Variants in GTF2I observed in about 807,000 individuals in gnomAD.
GTF2I encodes the protein general transcription factor IIi, also known as general transcription factor II-I.
GTF2I carries 12 observed loss-of-function variants against 67.6 expected under a neutral mutation model. The observed-to-expected ratio is 0.18, with a 90% CI of 0.11 to 0.29. The LOEUF (loss-of-function observed/expected upper bound fraction) is 0.29. Ranked by LOEUF, GTF2I falls within the 10% of genes least tolerant of loss-of-function variation. The probability of loss-of-function intolerance (pLI) is 1.00; values close to 1 mark genes in which losing one functional copy is unlikely to be tolerated. For synonymous variants in GTF2I, 149 were observed against 197.0 expected, an observed-to-expected ratio of 0.76 and a Z score of 2.04; for missense variants, 271 against 580.1, an observed-to-expected ratio of 0.47 and a Z score of 5.47.
rs868978496 is a variant in GTF2I at position 74,707,925 on chromosome 7, G to A, written c.685+1492G>A. On this transcript the variant is annotated intron_variant, in intron 8 of 34. Transcript: ENST00000573035. Reference sequence around the variant, plus strand: ...CATCTTTGTATTCTTAATTTATCCTGCAAATAAGATGTACATTTATAGCCA... The same window carrying A: ...CATCTTTGTATTCTTAATTTATCCTACAAATAAGATGTACATTTATAGCCA... 1.4e-4 allele frequency among the ~76,000 whole-genome samples: 21 copies of A among 150,378 alleles called. 1 individual carries two copies. In the South Asian group the frequency reaches 2.1e-3, roughly 15 times the overall value.
At chr7:74,663,379 G>A (rs587680293) in intron 1 of GTF2I, among the ~76,000 whole-genome samples, 53 of 152,166 alleles carry the variant, frequency 3.5e-4, no homozygotes, top group Non-Finnish European at 5.4e-4. Flanking sequence ...TCCGATTCCC[G>A]GGCTCAAGCG....
intron 3 of GTF2I, among the ~76,000 whole-genome samples, chr7:74,691,487 C>T (rs1195548738): frequency 2.0e-5 from 3 of 152,070 alleles, no homozygotes; most frequent in Admixed American, 6.6e-5. Flanking sequence ...GGATTATAGG[C>T]GTGGGCCACT....
intron 3 of GTF2I, among the ~76,000 whole-genome samples, chr7:74,696,411 C>T (rs587757455): frequency 8.5e-5 from 13 of 152,158 alleles, no homozygotes; most frequent in African/African-American, 2.9e-4. Flanking sequence ...ACTGCAACTT[C>T]TGCCTCCCAG....
In GTF2I at chr7:74,717,301, T is replaced by C. The variant is rs189678441; in HGVS notation, c.880+351T>C. Among the ~76,000 whole-genome samples the C allele has an allele frequency of 1.2e-4, 15 of 130,026 alleles. No homozygotes were observed. The Admixed American group carries it at 1.3e-3, about 11-fold the overall frequency. The allele number at this position is 130,026 out of a possible 152,430, so 85.3% of individuals were successfully genotyped here. ...ATTAAAATTACTAGCTCCATTCATA[T>C]TTTATTTTCAAATGTATTTTTTAAT... On this transcript the variant is annotated intron_variant, in intron 11 of 34. Transcript: ENST00000573035.
At chr7:74,753,212 A>C in intron 29 of GTF2I, 35 bp downstream of exon 29, 1 of 1,596,064 alleles carries the variant, frequency 6.3e-7, no homozygotes, top group Non-Finnish European at 8.6e-7. Context: ...AGTTGCTATA[A>C]GCAAAGAGAT....
At chr7:74,670,639 G>GA (rs1422708618) in intron 1 of GTF2I, among the ~76,000 whole-genome samples, 1 of 148,710 alleles carries the variant, frequency 6.7e-6, no homozygotes, top group Admixed American at 6.8e-5. Flanking sequence ...GCAGTGAGCT[G>GA]AGACTACGCC....
chr7:74,696,763 G>A (rs1005451049), intron 3 of GTF2I, among the ~76,000 whole-genome samples: 1 of 152,084 alleles, frequency 6.6e-6, no homozygotes, highest in Non-Finnish European at 1.5e-5. Flanking sequence ...CCAAAGTGCT[G>A]GGATTACAGG....
chr7:74,712,911 T>C (rs1791797443), intron 9 of GTF2I, among the ~76,000 whole-genome samples: 1 of 152,200 alleles, frequency 6.6e-6, no homozygotes, highest in African/African-American at 2.4e-5. Flanking sequence ...CTAAAACTTT[T>C]GTATTCCAAA....
intron 1 of GTF2I, chr7:74,687,525 T>G: frequency 1.0e-6 from 1 of 982,408 alleles, no homozygotes; most frequent in Non-Finnish European, 1.2e-6. Flanking sequence ...GCCCAGTGGA[T>G]TATGGTTTTT....
In GTF2I at chr7:74,700,082, C is replaced by A. The variant is rs587770566; in HGVS notation, c.374-165C>A. 6.6e-4 allele frequency: 466 copies of A among 701,186 alleles called. 6 individuals carry two copies. In the South Asian group the frequency reaches 7.7e-3, roughly 12 times the overall value. 43.4% of individuals were successfully genotyped at this position (701,186 alleles called of 1,614,324 possible). On this transcript the variant is annotated intron_variant, in intron 4 of 34. Transcript: ENST00000573035. Reference sequence around the variant, plus strand: ...CCTTCGGATCAGTTTCAGGTTTAGACCTTCTGCTGACATGGGGAGATAGAA... The same window carrying A: ...CCTTCGGATCAGTTTCAGGTTTAGAACTTCTGCTGACATGGGGAGATAGAA...
At chr7:74,661,107 G>C (rs1184199793) in intron 1 of GTF2I, among the ~76,000 whole-genome samples, 1 of 152,184 alleles carries the variant, frequency 6.6e-6, no homozygotes, top group Non-Finnish European at 1.5e-5. Context: ...CCTAGCACAT[G>C]AACCTGGCCA....
chr7:74,683,242 CCT>C (rs1412919256), intron 1 of GTF2I, among the ~76,000 whole-genome samples: 2 of 152,128 alleles, frequency 1.3e-5, no homozygotes, highest in African/African-American at 4.8e-5. Flanking sequence ...ACAAAGAAAA[CCT>C]CTTAAAAACA....
chr7:74,700,347 C>T lies in GTF2I; in HGVS notation c.474C>T (p.Ala158=), dbSNP rs781985101. 5 of 1,614,088 alleles carry T rather than the reference C, an allele frequency of 3.1e-6. No individual in the cohort carries two copies. In the Admixed American group the frequency reaches 8.3e-5, roughly 27 times the overall value. The change falls in exon 5 of 35, where the codon GCC becomes GCT. Residue 158 remains alanine (A), a synonymous_variant. Transcript: ENST00000573035. ...TGCAGGGGCTTCCGGAAGGTGTTGC[C>T]TTTAAACACCCCGAGAACTATGATC... is the stretch of plus-strand genomic sequence containing the variant. ...VVVQGLPEGV[A]FKHPENYDLA...
intron 6 of GTF2I, among the ~76,000 whole-genome samples, chr7:74,702,393 A>G (rs1789919400): frequency 6.6e-6 from 1 of 152,022 alleles, no homozygotes; most frequent in Non-Finnish European, 1.5e-5. Flanking sequence ...ACACCCGGCT[A>G]ATTTTTGTAT....
chr7:74,706,974 C>T (rs1056428614), intron 8 of GTF2I, among the ~76,000 whole-genome samples: 2 of 152,168 alleles, frequency 1.3e-5, no homozygotes, highest in African/African-American at 2.4e-5. Flanking sequence ...CTCAGCCTCC[C>T]GAGTAGCTGG....
chr7:74,719,946 T>A (rs1554404261), intron 12 of GTF2I, among the ~76,000 whole-genome samples: 1 of 152,004 alleles, frequency 6.6e-6, no homozygotes, highest in Non-Finnish European at 1.5e-5. Context: ...TTAAAATTAA[T>A]GTGTCACAAT....
intron 8 of GTF2I, among the ~76,000 whole-genome samples, chr7:74,706,683 T>C (rs2301908): frequency 0.035 from 5,325 of 152,176 alleles, 110 homozygotes; most frequent in Non-Finnish European, 0.047. Flanking sequence ...TATTTTTTTT[T>C]CCCGTTGTAC....
At chr7:74,680,008 G>A (rs1484971703) in intron 1 of GTF2I, among the ~76,000 whole-genome samples, 9 of 144,374 alleles carry the variant, frequency 6.2e-5, no homozygotes, top group Admixed American at 4.4e-4. Flanking sequence ...GAACCCGGGA[G>A]GCAGAGGTTG....
At chr7:74,702,227 C>CT (rs56164443) in intron 6 of GTF2I, among the ~76,000 whole-genome samples, 187 of 144,936 alleles carry the variant, frequency 1.3e-3, no homozygotes, top group Admixed American at 3.4e-3. Flanking sequence ...TTACACTGAA[C>CT]TTTTTTTTTT....
Sources: gnomAD v4.1 joint callset for allele counts (sites outside exome capture counted in the v4.1 genomes callset) on GRCh38, gnomAD v4.1.1 for gene constraint, MANE v1.5 for transcripts, NCBI Gene and HGNC (gene_info 2026-07-23, HGNC 2026-07-21) for gene names.